The following CSMD1 variants were observed in gnomAD, a reference collection of about 807,000 sequenced individuals.
CSMD1 encodes CUB and Sushi multiple domains 1.
Under a neutral mutation model 417.5 loss-of-function variants are expected in CSMD1, and 213 were observed. The ratio of observed to expected loss-of-function variants is 0.51; its 90% confidence interval spans 0.46 to 0.57. CSMD1 has a LOEUF of 0.57. CSMD1 is among the 20% of genes least tolerant of loss of function. The pLI, the probability that CSMD1 is intolerant of heterozygous loss-of-function variation, is 0.00. For synonymous variants in CSMD1, 2,862 were observed against 1,736.8 expected (o/e 1.65, Z -16.11); for missense variants, 6,923 against 4,529.7 (o/e 1.53, Z -15.17).
At chr8:3,010,435 C>T (rs1220088737) in intron 52 of CSMD1, among the ~76,000 whole-genome samples, 1 of 152,156 alleles carries the variant, frequency 6.6e-6, no homozygotes, top group African/African-American at 2.4e-5. Flanking sequence ...TCTTTTCCAC[C>T]ATCTCGTGGC....
chr8:3,072,399 CA>C (rs1260011038), intron 49 of CSMD1, among the ~76,000 whole-genome samples: 2 of 152,110 alleles, frequency 1.3e-5, no homozygotes, highest in Non-Finnish European at 2.9e-5. Context: ...TAGCTAAGAA[CA>C]AGCTTCAGAA....
intron 3 of CSMD1, among the ~76,000 whole-genome samples, chr8:4,101,560 G>C (rs1801306857): frequency 6.6e-6 from 1 of 152,228 alleles, no homozygotes; most frequent in Non-Finnish European, 1.5e-5. Context: ...TGTGTAGGAA[G>C]TTTCTTAATT....
At chr8:4,095,840 T>C (rs1206918692) in intron 3 of CSMD1, among the ~76,000 whole-genome samples, 1 of 152,214 alleles carries the variant, frequency 6.6e-6, no homozygotes, top group Non-Finnish European at 1.5e-5. Context: ...TTGGAATGTA[T>C]TTAAAACTTT....
At chr8:3,285,775 T>C (rs556544310) in intron 25 of CSMD1, among the ~76,000 whole-genome samples, 1 of 152,006 alleles carries the variant, frequency 6.6e-6, no homozygotes, top group African/African-American at 2.4e-5. Flanking sequence ...ATTGGTTCTT[T>C]CTCTTATCAC....
intron 5 of CSMD1, among the ~76,000 whole-genome samples, chr8:3,841,242 A>G (rs1361485761): frequency 1.3e-5 from 2 of 152,192 alleles, no homozygotes; most frequent in Non-Finnish European, 2.9e-5. Flanking sequence ...TTTATATTGA[A>G]AAGTTTTAAA....
At chr8:3,384,911 A>T (rs1411854911) in intron 18 of CSMD1, among the ~76,000 whole-genome samples, 1 of 122,184 alleles carries the variant, frequency 8.2e-6, no homozygotes, top group Non-Finnish European at 1.6e-5. Context: ...ATATATGCTT[A>T]TATATTACAT....
At chr8:4,168,137 A>G (rs1483556015) in intron 3 of CSMD1, among the ~76,000 whole-genome samples, 1 of 8,900 alleles carries the variant, frequency 1.1e-4, no homozygotes, top group African/African-American at 1.4e-4. Context: ...TCAAAAATAA[A>G]AAAAAATATA....
intron 26 of CSMD1, among the ~76,000 whole-genome samples, chr8:3,269,678 C>T (rs969091104): frequency 6.6e-6 from 1 of 152,136 alleles, no homozygotes; most frequent in Non-Finnish European, 1.5e-5. Flanking sequence ...TTATTTAACC[C>T]CCAGAGTAAA....
intron 10 of CSMD1, among the ~76,000 whole-genome samples, chr8:3,553,651 T>C (rs1799015395): frequency 6.6e-6 from 1 of 152,220 alleles, no homozygotes; most frequent in Non-Finnish European, 1.5e-5. Flanking sequence ...GAAAACAACT[T>C]GACTCTTTGT....
intron 27 of CSMD1, among the ~76,000 whole-genome samples, chr8:3,228,194 T>C (rs1333811055): frequency 6.6e-6 from 1 of 152,226 alleles, no homozygotes; most frequent in Non-Finnish European, 1.5e-5. Context: ...AATTATAGTT[T>C]ATAAAATGTC....
chr8:4,048,554 G>C (rs370384460), intron 3 of CSMD1, among the ~76,000 whole-genome samples: 8 of 152,188 alleles, frequency 5.3e-5, no homozygotes, highest in Admixed American at 3.9e-4. Flanking sequence ...AAAAGGGAGA[G>C]CCAGGATTTG....
rs182336248 is a variant in CSMD1 at position 4,713,772 on chromosome 8, G to A, written c.86-76214C>T. On this transcript the variant is annotated intron_variant, in intron 1 of 69. Coordinates refer to ENST00000635120, the MANE Select transcript of CSMD1 (RefSeq NM_033225.6). ...TCCACGGACAGGTAAGTTCTGAGAA[G>A]CTTGGGCTGGAGATCATTCTAGGAG... Among the ~76,000 whole-genome samples the A allele has an allele frequency of 1.9e-3, 296 of 152,296 alleles. 2 individuals carry two copies. The highest frequency in any genetic ancestry group is 6.7e-3 in the African/African-American group (277 of 41,562).
intron 5 of CSMD1, among the ~76,000 whole-genome samples, chr8:3,839,388 C>G (rs1802949442): frequency 3.4e-5 from 2 of 59,560 alleles, no homozygotes; most frequent in East Asian, 7.0e-4. Flanking sequence ...TATACAGTCT[C>G]CATATATATT....
intron 2 of CSMD1, among the ~76,000 whole-genome samples, chr8:4,633,466 GTCTCGA>G (rs1802654229): frequency 6.6e-6 from 1 of 151,972 alleles, no homozygotes. Context: ...AGCCAGGATG[GTCTCGA>G]TCTACTGACC....
At chr8:4,520,861 G>A (rs996437571) in intron 2 of CSMD1, among the ~76,000 whole-genome samples, 4 of 152,022 alleles carry the variant, frequency 2.6e-5, no homozygotes, top group Non-Finnish European at 5.9e-5. Context: ...TCTTTTAATA[G>A]ACTCTATTAT....
intron 5 of CSMD1, among the ~76,000 whole-genome samples, chr8:3,943,048 G>T (rs1421556390): frequency 6.6e-6 from 1 of 152,064 alleles, no homozygotes; most frequent in Non-Finnish European, 1.5e-5. Flanking sequence ...CTGCTTTTCA[G>T]AGAAGATAAA....
chr8:2,961,293 T>A, intron 61 of CSMD1, 79 bp from the exon 62 acceptor site: 2 of 762,762 alleles, frequency 2.6e-6, no homozygotes, highest in East Asian at 5.5e-5. Flanking sequence ...CACTAAAAGG[T>A]CTCATGAAAT....
At chr8:3,454,580 T>G (rs1476708266) in intron 12 of CSMD1, among the ~76,000 whole-genome samples, 2 of 152,178 alleles carry the variant, frequency 1.3e-5, no homozygotes, top group Non-Finnish European at 2.9e-5. Flanking sequence ...GAAACTTAGT[T>G]TGGCTGGATA....
intron 30 of CSMD1, among the ~76,000 whole-genome samples, chr8:3,212,036 C>A (rs537431801): frequency 6.6e-6 from 1 of 152,066 alleles, no homozygotes; most frequent in Non-Finnish European, 1.5e-5. Flanking sequence ...CGTTTGTCTC[C>A]GTCCTGTTTT....
Sources: allele counts gnomAD v4.1 joint callset (sites outside exome capture counted in the v4.1 genomes callset), GRCh38; gene constraint gnomAD v4.1.1; transcripts MANE v1.5; gene names NCBI Gene and HGNC (gene_info 2026-07-23, HGNC 2026-07-21).